The following STK3 variants were observed in gnomAD, a reference collection of about 807,000 sequenced individuals.
The protein encoded by STK3 is serine/threonine-protein kinase 3.
STK3 carries 41 observed loss-of-function variants against 58.0 expected under a neutral mutation model. The observed-to-expected ratio is 0.71, with a 90% CI of 0.55 to 0.92. The LOEUF is 0.92. Ranked by LOEUF, STK3 falls within the 40% of genes least tolerant of loss-of-function variation. STK3 has a pLI of 0.00. For missense variants in STK3, 479 were observed against 602.7 expected (o/e 0.79, Z 2.15); for synonymous variants, 170 against 191.0 (o/e 0.89, Z 0.91).
chr8:98,588,762 C>T (rs868162120), intron 7 of STK3, among the ~76,000 whole-genome samples: 13 of 151,888 alleles, frequency 8.6e-5, no homozygotes, highest in Non-Finnish European at 1.8e-4. Flanking sequence ...GGTCTTTTCA[C>T]ATAGTCCCAT....
chr8:98,466,744 T>C (rs1442888777), intron 10 of STK3, among the ~76,000 whole-genome samples: 1 of 152,186 alleles, frequency 6.6e-6, no homozygotes, highest in Non-Finnish European at 1.5e-5. Flanking sequence ...GTGGTTAGTA[T>C]TATCCTAGTG....
chr8:98,348,496 A>G, the STK3 span, among the ~76,000 whole-genome samples: 1 of 152,228 alleles, frequency 6.6e-6, no homozygotes, highest in Non-Finnish European at 1.5e-5. Flanking sequence ...ACAGATGGGG[A>G]GAAAATATTT....
intron 1 of STK3, among the ~76,000 whole-genome samples, chr8:98,910,290 A>G (rs1469072467): frequency 6.6e-6 from 1 of 152,178 alleles, no homozygotes. Context: ...TAATTTTTTT[A>G]AACTTACTTT....
chr8:98,428,882 G>C lies in STK3; in HGVS notation n.483+5245C>G. On this transcript the variant is annotated intron_variant and non_coding_transcript_variant, in intron 3 of 3. Coordinates refer to the STK3 transcript ENST00000517832. This position sits in a 1 kb window ranked among gnomAD's most constrained non-coding sequence, Gnocchi z 6.7. ...TGGCCCAGGTCCTGAGGCTGATGCGGATCTTCCGCATCTTAAAGCTGGCCA... is the reference window on the plus strand; with the variant it reads ...TGGCCCAGGTCCTGAGGCTGATGCGCATCTTCCGCATCTTAAAGCTGGCCA... 1 of 1,614,210 alleles carries C rather than the reference G, an allele frequency of 6.2e-7. No individual in the cohort carries two copies. The highest frequency in any genetic ancestry group is 8.5e-7 in the Non-Finnish European group (1 of 1,180,044).
At chr8:98,369,935 C>A (rs1239619975), downstream of STK3, among the ~76,000 whole-genome samples, 1 of 151,862 alleles carries the variant, frequency 6.6e-6, no homozygotes, top group Non-Finnish European at 1.5e-5. Flanking sequence ...AGGGTTCCTG[C>A]GTGTGGGCAA....
intron 6 of STK3, chr8:98,597,874 C>A: frequency 1.0e-6 from 1 of 983,488 alleles, no homozygotes; most frequent in Non-Finnish European, 1.2e-6. Flanking sequence ...GAGTGCCAGA[C>A]AATGAAATTC....
chr8:98,759,121 G>A (rs1005129619), intron 3 of STK3, among the ~76,000 whole-genome samples: 1 of 152,180 alleles, frequency 6.6e-6, no homozygotes, highest in Non-Finnish European at 1.5e-5. Context: ...CCTGTCCTTT[G>A]CATTCAAGCT....
At chr8:98,587,774 G>A in intron 7 of STK3, among the ~76,000 whole-genome samples, 1 of 152,196 alleles carries the variant, frequency 6.6e-6, no homozygotes, top group South Asian at 2.1e-4. Context: ...TTATGAATCT[G>A]GGTGCTCCTG....
chr8:98,898,442 A>C (rs992955752), intron 1 of STK3, among the ~76,000 whole-genome samples: 3 of 152,218 alleles, frequency 2.0e-5, no homozygotes, highest in African/African-American at 4.8e-5. Flanking sequence ...CACTCAGGGA[A>C]TAGTCAAGCC....
rs149432695 is a variant in STK3, at chr8:98,439,587, C to T, written n.186-2379G>A. ...AGGAATCACTATATAGGCCCCCAATCCCTCTGAGGCAGGGTTCAGTGGAAA... is the reference window on the plus strand; with the variant it reads ...AGGAATCACTATATAGGCCCCCAATTCCTCTGAGGCAGGGTTCAGTGGAAA... On this transcript the variant is annotated intron_variant and non_coding_transcript_variant, in intron 1 of 3. Coordinates refer to the STK3 transcript ENST00000517832. 2.2e-4 allele frequency among the ~76,000 whole-genome samples: 34 copies of T among 152,312 alleles called. 1 individual carries two copies. The East Asian group carries it at 5.0e-3, about 22-fold the overall frequency.
intron 3 of STK3, among the ~76,000 whole-genome samples, chr8:98,846,856 TAC>T (rs374739035): frequency 0.023 from 3,212 of 142,666 alleles, 93 homozygotes; most frequent in African/African-American, 0.073. Flanking sequence ...TTCAGGATCC[TAC>T]ACACACACAC....
chr8:98,715,268 CA>C (rs1442390487), intron 4 of STK3, among the ~76,000 whole-genome samples: 1 of 152,042 alleles, frequency 6.6e-6, no homozygotes, highest in Non-Finnish European at 1.5e-5. Flanking sequence ...CAACGAAAGC[CA>C]AAATTGACAA....
chr8:98,863,113 C>T (rs1836995484), intron 3 of STK3, among the ~76,000 whole-genome samples: 1 of 152,076 alleles, frequency 6.6e-6, no homozygotes. Context: ...GGATATGGTT[C>T]CTTTTTTATG....
chr8:98,477,456 A>G (rs1036151297), intron 10 of STK3, among the ~76,000 whole-genome samples: 2 of 151,840 alleles, frequency 1.3e-5, no homozygotes. Context: ...CCAACTCCCT[A>G]GCAGCCATGG....
downstream of STK3, among the ~76,000 whole-genome samples, chr8:98,399,784 G>A (rs994501382): frequency 7.2e-5 from 11 of 152,184 alleles, no homozygotes; most frequent in African/African-American, 2.2e-4. Flanking sequence ...CACCAACTGA[G>A]AGCAGTAGAG....
intron 10 of STK3, among the ~76,000 whole-genome samples, chr8:98,491,277 A>T (rs1341227946): frequency 1.3e-5 from 2 of 152,122 alleles, no homozygotes; most frequent in African/African-American, 4.8e-5. Flanking sequence ...GGTAGTATTT[A>T]AAAAAATGTT....
chr8:98,469,240 G>T (rs575391444), intron 10 of STK3, among the ~76,000 whole-genome samples: 3 of 133,882 alleles, frequency 2.2e-5, no homozygotes, highest in African/African-American at 8.1e-5. Context: ...GGTCCAAAAA[G>T]GCTTTTCTTT....
intron 7 of STK3, 165 bp downstream of exon 7, chr8:98,595,867 A>G (rs1815779121): frequency 1.6e-6 from 1 of 643,420 alleles, no homozygotes; most frequent in African/African-American, 1.8e-5. Flanking sequence ...TCTGGGGGAA[A>G]TGAGGGGACG....
intron 3 of STK3, among the ~76,000 whole-genome samples, chr8:98,393,936 A>T (rs1817872043): frequency 6.6e-6 from 1 of 152,200 alleles, no homozygotes; most frequent in Non-Finnish European, 1.5e-5. Flanking sequence ...TTTCTTTTAT[A>T]GCACTAACTA....
Sources: allele counts gnomAD v4.1 joint callset (sites outside exome capture counted in the v4.1 genomes callset), GRCh38; gene constraint gnomAD v4.1.1; non-coding constraint Gnocchi (gnomAD v3.1); transcripts MANE v1.5; gene names NCBI Gene and HGNC (gene_info 2026-07-23, HGNC 2026-07-21).